The following BOC variants were observed in gnomAD, a reference collection of about 807,000 sequenced individuals.
The protein encoded by BOC is BOC cell adhesion associated, oncogene regulated, also known as brother of CDO.
Under a neutral mutation model 112.0 loss-of-function variants are expected in BOC, and 76 were observed. That is an observed-to-expected ratio of 0.68 (90% CI 0.56 to 0.82). The LOEUF is 0.82. BOC is among the 40% of genes least tolerant of loss of function. The probability of loss-of-function intolerance (pLI) is 0.00; values close to 1 mark genes in which losing one functional copy is unlikely to be tolerated. For synonymous variants in BOC, 580 were observed against 599.8 expected (o/e 0.97, Z 0.48); for missense variants, 1,309 against 1,511.7 (o/e 0.87, Z 2.22).
intron 4 of BOC, among the ~76,000 whole-genome samples, chr3:113,255,267 C>A (rs938359508): frequency 6.6e-6 from 1 of 152,130 alleles, no homozygotes; most frequent in African/African-American, 2.4e-5. Context: ...CTACACAGCT[C>A]AGCTGTTCCC....
rs1947993441 is a variant in BOC, at chr3:113,270,536, C to T, written c.524-265C>T. 5 of 442,278 alleles carry T rather than the reference C, an allele frequency of 1.1e-5. No individual in the cohort carries two copies. In the Admixed American group the frequency reaches 1.6e-4, roughly 14 times the overall value. 27.4% of individuals were successfully genotyped at this position (442,278 alleles called of 1,614,324 possible). A position where few individuals can be genotyped will look rare whatever the true frequency, so the allele number is the denominator to read the frequency against. Reference sequence around the variant, plus strand: ...AAATGCTCTTCTATTGACCTATGCACTAAGTTGTGGCAGTTAGTCAGTCAG... The same window carrying T: ...AAATGCTCTTCTATTGACCTATGCATTAAGTTGTGGCAGTTAGTCAGTCAG... On this transcript the variant is annotated intron_variant, in intron 5 of 19. Transcript: ENST00000682979.
At chr3:113,225,271 CAA>C (rs369675040) in intron 2 of BOC, among the ~76,000 whole-genome samples, 1 of 120,216 alleles carries the variant, frequency 8.3e-6, no homozygotes. Flanking sequence ...AAGACCTTGT[CAA>C]AAAAAAAAAC....
chr3:113,260,911 C>A (rs562678245), intron 4 of BOC, among the ~76,000 whole-genome samples: 1 of 152,152 alleles, frequency 6.6e-6, no homozygotes, highest in South Asian at 2.1e-4. Context: ...ACCATCCCCC[C>A]CAGTCTCCCC....
At chr3:113,220,250 A>T (rs572438981) in intron 2 of BOC, among the ~76,000 whole-genome samples, 73 of 152,308 alleles carry the variant, frequency 4.8e-4, no homozygotes, top group Non-Finnish European at 7.9e-4. Context: ...CTACTGGCTT[A>T]GGAGAGTGAT....
intron 2 of BOC, among the ~76,000 whole-genome samples, chr3:113,219,651 G>C (rs1940191279): frequency 1.3e-5 from 2 of 152,226 alleles, no homozygotes; most frequent in Non-Finnish European, 2.9e-5. Context: ...AGCTAACAAA[G>C]TGTAAGGGGT....
chr3:113,260,527 C>A (rs1391634839), intron 4 of BOC, among the ~76,000 whole-genome samples: 1 of 152,178 alleles, frequency 6.6e-6, no homozygotes, highest in Non-Finnish European at 1.5e-5. Context: ...GGCAGCAGAC[C>A]AGTACCGTTC....
rs770080900 is a variant in BOC at position 113,271,013 on chromosome 3, G to A, written c.667+69G>A. On this transcript the variant is annotated intron_variant, in intron 6 of 19. Coordinates refer to ENST00000682979, the MANE Select transcript of BOC (RefSeq NM_001378074.1). ...GGAAGGGCTCACAAAGATGGAAAGGGAGGTAGATACCTGGAGGTGCCACAT... is the reference window on the plus strand; with the variant it reads ...GGAAGGGCTCACAAAGATGGAAAGGAAGGTAGATACCTGGAGGTGCCACAT... The A allele has an allele frequency of 7.5e-6, 12 of 1,605,064 alleles. No individual in the cohort carries two copies. The South Asian group carries it at 1.3e-4, about 18-fold the overall frequency.
At chr3:113,234,693 C>G (rs1356066607) in intron 2 of BOC, among the ~76,000 whole-genome samples, 1 of 152,188 alleles carries the variant, frequency 6.6e-6, no homozygotes, top group East Asian at 1.9e-4. Flanking sequence ...CAGTGCCCAC[C>G]AGGGACCTGC....
Position 113,215,983 on chromosome 3 carries a change from G to A in BOC, c.-169-204G>A, listed in dbSNP as rs115931200. Among the ~76,000 whole-genome samples, 747 of 152,286 alleles carry A rather than the reference G, an allele frequency of 4.9e-3. 10 individuals carry two copies. Among genetic ancestry groups the A allele is most frequent in the African/African-American group, 0.017 (697 of 41,556 alleles). On this transcript the variant is annotated intron_variant, in intron 1 of 19. Coordinates refer to ENST00000682979, the MANE Select transcript of BOC (RefSeq NM_001378074.1). ...AAAGTACAATCATTGTTCTTAATCC[G>A]TTGTTCATTTCAGCAGGGAGCCAGG...
At position 113,238,266 on chromosome 3, in the gene BOC, A is replaced by G. The variant is rs974551024; in HGVS notation, c.-81-11456A>G. The stretch of plus-strand genomic sequence containing the variant: ...GGCTTACGGGAGGCAGACAGAGGAA[A>G]GGTTGACTGGAACCCAGTTACAAAA... On this transcript the variant is annotated intron_variant, in intron 2 of 19. Transcript: ENST00000682979. Among the ~76,000 whole-genome samples the G allele has an allele frequency of 1.8e-4, 27 of 152,338 alleles. No individual in the cohort carries two copies. The East Asian group carries it at 4.8e-3, about 27-fold the overall frequency.
At chr3:113,271,069 G>A in intron 6 of BOC, 125 bp downstream of exon 6, 1 of 1,431,468 alleles carries the variant, frequency 7.0e-7, no homozygotes, top group Non-Finnish European at 9.7e-7. Flanking sequence ...CACTGGCTTT[G>A]GCCAGGGGGA....
intron 2 of BOC, among the ~76,000 whole-genome samples, chr3:113,222,317 T>C (rs902239231): frequency 6.6e-6 from 1 of 152,212 alleles, no homozygotes; most frequent in Non-Finnish European, 1.5e-5. Flanking sequence ...GCAGGCCTTT[T>C]CTGAATCTCA....
chr3:113,283,543 A>G lies in BOC; in HGVS notation c.2567A>G (p.Tyr856Cys), dbSNP rs769604349. 26 of 1,613,558 alleles carry G rather than the reference A, an allele frequency of 1.6e-5. No homozygotes were observed. The highest frequency in any genetic ancestry group is 8.3e-5 in the Admixed American group (5 of 59,958). The change falls in exon 16 of 20, where the codon TAT becomes TGT. Residue 856 changes from tyrosine (Y) to cysteine (C), a missense_variant. Transcript: ENST00000682979. ...GTGGCTCGCTCCAGCGACCTGCCCTATCTGATTGTCGGGGTCGTCCTGGGC... is the reference window on the plus strand; with the variant it reads ...GTGGCTCGCTCCAGCGACCTGCCCTGTCTGATTGTCGGGGTCGTCCTGGGC... ...AMVARSSDLP[Y>C]LIVGVVLGSI... is the part of the protein sequence containing the mutation.
chr3:113,247,500 G>GAAAA (rs58781225), intron 2 of BOC, among the ~76,000 whole-genome samples: 3,764 of 125,672 alleles, frequency 0.03, 84 homozygotes, highest in African/African-American at 0.065. Context: ...GCCCTGATAG[G>GAAAA]AAAAAAAAAA....
chr3:113,221,485 C>T (rs946971086), intron 2 of BOC, among the ~76,000 whole-genome samples: 9 of 152,226 alleles, frequency 5.9e-5, no homozygotes, highest in Non-Finnish European at 1.0e-4. Flanking sequence ...TCTGCTTCTT[C>T]CCCAACTCAG....
At chr3:113,219,979 C>T (rs1157785428) in intron 2 of BOC, among the ~76,000 whole-genome samples, 1 of 152,004 alleles carries the variant, frequency 6.6e-6, no homozygotes, top group African/African-American at 2.4e-5. Context: ...TCCTTTTGCT[C>T]CTAGGATCTC....
chr3:113,282,029 G>A (rs1226779262), intron 15 of BOC, among the ~76,000 whole-genome samples: 3 of 152,224 alleles, frequency 2.0e-5, no homozygotes, highest in Admixed American at 1.3e-4. Context: ...TGGAAGGACC[G>A]AGTCTTAGGC....
At chr3:113,284,149 G>A (rs1304052678) in intron 16 of BOC, among the ~76,000 whole-genome samples, 186 bp from the exon 17 acceptor site, 1 of 152,000 alleles carries the variant, frequency 6.6e-6, no homozygotes, top group Admixed American at 6.6e-5. Context: ...TAGGTGTCAG[G>A]TAGAAATGGG....
chr3:113,278,673 G>T lies in BOC; in HGVS notation c.1706G>T (p.Gly569Val), dbSNP rs1576495028. Residue 569 changes from glycine to valine, a missense_variant and splice_region_variant, in exon 11 of 20, where the codon GGA becomes GTA. Gly to Val is a moderately radical substitution (Grantham distance 109). Transcript: ENST00000682979. This position sits in a 1 kb window ranked among gnomAD's most constrained non-coding sequence, Gnocchi z 4.2. ...CTGACTACAACCCATTTCCACCCAGGACGGCGGCCCAAACCCGAGATCATG... is the reference window on the plus strand; with the variant it reads ...CTGACTACAACCCATTTCCACCCAGTACGGCGGCCCAAACCCGAGATCATG... ...GQTAMVTFRT[G>V]RRPKPEIMAS... 8 of 1,558,674 alleles carry T rather than the reference G, an allele frequency of 5.1e-6. No individual in the cohort carries two copies. The highest frequency in any genetic ancestry group is 2.4e-5 in the East Asian group (1 of 41,508).
Sources: allele counts gnomAD v4.1 joint callset (sites outside exome capture counted in the v4.1 genomes callset), GRCh38; gene constraint gnomAD v4.1.1; non-coding constraint Gnocchi (gnomAD v3.1); transcripts MANE v1.5; gene names NCBI Gene and HGNC (gene_info 2026-07-23, HGNC 2026-07-21).